Variants in CACNA1C observed in about 807,000 individuals in gnomAD.
CACNA1C encodes calcium voltage-gated channel subunit alpha1 C, also known as voltage-dependent L-type calcium channel subunit alpha-1C.
In CACNA1C, 30 loss-of-function variants were observed where a neutral mutation model predicts 229.0. The ratio of observed to expected loss-of-function variants is 0.13; its 90% CI spans 0.10 to 0.18. The LOEUF (loss-of-function observed/expected upper bound fraction) is 0.18. Among genes scored for constraint, CACNA1C ranks in the 10% least tolerant of loss-of-function variants. CACNA1C has a pLI of 1.00. For missense variants in CACNA1C, 1,658 were observed against 2,845.0 expected (o/e 0.58, Z 9.49); for synonymous variants, 1,114 against 1,132.5 (o/e 0.98, Z 0.33).
chr12:2,601,758 G>A lies in CACNA1C; in HGVS notation c.2854-96G>A. 5.0e-6 allele frequency: 4 copies of A among 802,344 alleles called. No homozygotes were observed. Among genetic ancestry groups the A allele is most frequent in the Non-Finnish European group, 8.9e-6 (4 of 447,072 alleles). 49.7% of individuals were successfully genotyped at this position (802,344 alleles called of 1,614,324 possible). A position where few individuals can be genotyped will look rare whatever the true frequency, so the allele number is the denominator to read the frequency against. On this transcript the variant is annotated intron_variant, in intron 21 of 46. Transcript: ENST00000399655. The surrounding 1 kb of genome is among the most constrained non-coding windows in gnomAD (Gnocchi z 5.9). Reference sequence around the variant, plus strand: ...TCCCCATGGATGGTGCTTGGGACTTGCCCAAGGGATGCTGTGGGAGGAAGG... The same window carrying A: ...TCCCCATGGATGGTGCTTGGGACTTACCCAAGGGATGCTGTGGGAGGAAGG...
intron 3 of CACNA1C, among the ~76,000 whole-genome samples, chr12:2,386,444 A>G (rs2098392545): frequency 6.6e-6 from 1 of 151,954 alleles, no homozygotes; most frequent in African/African-American, 2.4e-5. Flanking sequence ...CACACAACCA[A>G]CTGCAGTGGC....
chr12:2,258,624 A>T (rs114364574), intron 3 of CACNA1C, among the ~76,000 whole-genome samples: 8,583 of 152,260 alleles, frequency 0.056, 317 homozygotes, highest in African/African-American at 0.09. Flanking sequence ...GGGTTTCCCA[A>T]CCAGATTTAA....
chr12:2,459,614 G>A (rs568348647), intron 5 of CACNA1C, among the ~76,000 whole-genome samples: 3 of 152,192 alleles, frequency 2.0e-5, no homozygotes, highest in East Asian at 3.9e-4. Context: ...TGCATATATC[G>A]TGGCCAGGAC....
intron 2 of CACNA1C, 29 bp downstream of exon 2, chr12:2,115,574 C>T (rs542497954): frequency 5.6e-6 from 9 of 1,606,012 alleles, no homozygotes; most frequent in African/African-American, 2.7e-5. Context: ...GCTGGGCATG[C>T]TCCTGGGACC....
At chr12:2,159,748 G>T (rs541902319) in intron 3 of CACNA1C, among the ~76,000 whole-genome samples, 14 of 152,202 alleles carry the variant, frequency 9.2e-5, no homozygotes, top group South Asian at 8.3e-4. Flanking sequence ...GAGATTACAG[G>T]CATGTGCCAT....
Position 2,284,053 on chromosome 12 carries a change from G to A in CACNA1C, c.477+163623G>A, listed in dbSNP as rs972399809. On this transcript the variant is annotated intron_variant, in intron 3 of 46. Transcript: ENST00000399655. The stretch of plus-strand genomic sequence containing the variant: ...GTGAGGAGAGAGACCAGCCAAGCAC[G>A]TCTTTCAACAACTCTTAACTTGCTT... Among the ~76,000 whole-genome samples the A allele has an allele frequency of 3.9e-5, 6 of 152,106 alleles. No individual in the cohort carries two copies. In the South Asian group the frequency reaches 6.2e-4, roughly 16 times the overall value.
chr12:2,501,856 G>T (rs2099761186), intron 7 of CACNA1C, among the ~76,000 whole-genome samples: 1 of 152,234 alleles, frequency 6.6e-6, no homozygotes, highest in African/African-American at 2.4e-5. Context: ...CCTAACAGAT[G>T]CTCTTTTGCT....
At chr12:2,416,719 G>A (rs2098910912) in intron 3 of CACNA1C, among the ~76,000 whole-genome samples, 1 of 152,258 alleles carries the variant, frequency 6.6e-6, no homozygotes, top group Admixed American at 6.5e-5. Flanking sequence ...AGAAGTGGGA[G>A]AAGAGGAGTT....
intron 3 of CACNA1C, among the ~76,000 whole-genome samples, chr12:2,265,586 A>G (rs1007969797): frequency 6.6e-6 from 1 of 152,200 alleles, no homozygotes; most frequent in African/African-American, 2.4e-5. Flanking sequence ...GCTGAATAGC[A>G]TCCCCCAGGG....
chr12:2,165,590 C>G (rs190439758), intron 3 of CACNA1C, among the ~76,000 whole-genome samples: 2 of 151,922 alleles, frequency 1.3e-5, no homozygotes, highest in East Asian at 3.9e-4. Context: ...TGGTAGATGG[C>G]GGGATGAACA....
intron 1 of CACNA1C, among the ~76,000 whole-genome samples, chr12:1,984,658 C>T (rs1175746555): frequency 1.3e-5 from 2 of 151,334 alleles, no homozygotes; most frequent in East Asian, 1.9e-4. Flanking sequence ...TTGTAATTAC[C>T]CGTATATTTA....
In CACNA1C at chr12:2,236,240, A is replaced by G. The variant is rs2067304297; in HGVS notation, c.477+115810A>G. Among the ~76,000 whole-genome samples, 4 of 152,178 alleles carry G rather than the reference A, an allele frequency of 2.6e-5. 1 individual carries two copies. Among genetic ancestry groups the G allele is most frequent in the Admixed American group, 2.6e-4 (4 of 15,278 alleles). On this transcript the variant is annotated intron_variant, in intron 3 of 46. Transcript: ENST00000399655. ...GGTAAAATGCACATCCTGATTCAGC[A>G]GGTTCGGGTTGGGGCCTGAGAATCT... is the stretch of plus-strand genomic sequence containing the variant.
chr12:2,071,885 C>T (rs1005466422), intron 1 of CACNA1C, among the ~76,000 whole-genome samples: 1 of 152,040 alleles, frequency 6.6e-6, no homozygotes, highest in African/African-American at 2.4e-5. Flanking sequence ...TGCGTGAATT[C>T]TCCATTCCTT....
intron 1 of CACNA1C, chr12:2,020,536 T>C (rs1279049408): frequency 1.3e-5 from 2 of 152,088 alleles, no homozygotes; most frequent in Non-Finnish European, 2.9e-5. Flanking sequence ...TGGGAGAAAG[T>C]GGACTACTTA....
intron 9 of CACNA1C, among the ~76,000 whole-genome samples, chr12:2,515,363 A>C (rs2099794369): frequency 6.6e-6 from 1 of 152,234 alleles, no homozygotes; most frequent in Non-Finnish European, 1.5e-5. Flanking sequence ...CTTGCAAAAA[A>C]GGTAAGACAG....
chr12:2,634,281 G>T lies in CACNA1C; in HGVS notation c.3829-16G>T, dbSNP rs374295746. 2.8e-6 allele frequency: 4 copies of T among 1,426,114 alleles called. No individual in the cohort carries two copies. Among genetic ancestry groups the T allele is most frequent in the African/African-American group, 3.1e-5 (2 of 64,638 alleles). The allele number at this position is 1,426,114 out of a possible 1,614,324, so 88.3% of individuals were successfully genotyped here. A position where few individuals can be genotyped will look rare whatever the true frequency, so the allele number is the denominator to read the frequency against. ...GTTCTTCTTCTCTCTCTCCCCGGCT[G>T]CTCTGCCCCATGCAGCACTATTTCT... On this transcript the variant is annotated splice_polypyrimidine_tract_variant and intron_variant, in intron 29 of 46. Transcript: ENST00000399655.
At chr12:2,447,676 A>G (rs1445751026) in intron 3 of CACNA1C, among the ~76,000 whole-genome samples, 1 of 152,208 alleles carries the variant, frequency 6.6e-6, no homozygotes, top group Non-Finnish European at 1.5e-5. Flanking sequence ...AGAGCTTCCC[A>G]TCTGGCCCTG....
intron 45 of CACNA1C, among the ~76,000 whole-genome samples, chr12:2,688,184 G>A (rs565019408): frequency 1.7e-4 from 26 of 152,350 alleles, no homozygotes; most frequent in African/African-American, 4.6e-4. Flanking sequence ...AGGTTACCAC[G>A]ACTTCACCCA....
At chr12:2,135,298 C>CT (rs1449487779) in intron 3 of CACNA1C, among the ~76,000 whole-genome samples, 2 of 146,670 alleles carry the variant, frequency 1.4e-5, no homozygotes, top group Non-Finnish European at 3.0e-5. Flanking sequence ...AAGCCTTCTT[C>CT]TCTCAGCTCG....
Sources: allele counts gnomAD v4.1 joint callset (sites outside exome capture counted in the v4.1 genomes callset), GRCh38; gene constraint gnomAD v4.1.1; non-coding constraint Gnocchi (gnomAD v3.1); transcripts MANE v1.5; gene names NCBI Gene and HGNC (gene_info 2026-07-23, HGNC 2026-07-21).